BAZ1A: variants seen among roughly 807,000 people sequenced by gnomAD.
BAZ1A encodes the protein bromodomain adjacent to zinc finger domain protein 1A.
BAZ1A carries 50 observed loss-of-function variants against 185.2 expected under a neutral mutation model. That is an observed-to-expected ratio of 0.27 (90% CI 0.22 to 0.34). The LOEUF (loss-of-function observed/expected upper bound fraction) is 0.34. Ranked by LOEUF, BAZ1A falls within the 10% of genes least tolerant of loss-of-function variation. BAZ1A has a pLI of 1.00. For missense variants in BAZ1A, 1,356 were observed against 1,839.9 expected (o/e 0.74, Z 4.81); for synonymous variants, 571 against 615.6 (o/e 0.93, Z 1.07).
chr14:34,773,537 A>T (rs529444231), intron 20 of BAZ1A, 35 bp downstream of exon 20: 2 of 1,523,512 alleles, frequency 1.3e-6, no homozygotes, highest in African/African-American at 1.4e-5. Context: ...ATGGCAAGGA[A>T]AAGTAATGGT....
chr14:34,842,484 TTC>T (rs1349942139), intron 3 of BAZ1A, among the ~76,000 whole-genome samples: 1 of 152,202 alleles, frequency 6.6e-6, no homozygotes, highest in Non-Finnish European at 1.5e-5. Context: ...TGAAGCATTT[TTC>T]TCTTTGCTTC....
At chr14:34,812,593 T>A (rs957720635) in intron 4 of BAZ1A, among the ~76,000 whole-genome samples, 7 of 152,168 alleles carry the variant, frequency 4.6e-5, no homozygotes, top group African/African-American at 1.4e-4. Context: ...GATTGCAGCA[T>A]GGACTTAAAT....
intron 4 of BAZ1A, among the ~76,000 whole-genome samples, chr14:34,811,297 C>T (rs1490142873): frequency 1.3e-5 from 2 of 152,042 alleles, no homozygotes; most frequent in East Asian, 1.9e-4. Context: ...GCATGCACCA[C>T]CATGCCCAGT....
intron 15 of BAZ1A, 106 bp from the exon 16 acceptor site, chr14:34,783,338 TA>T (rs1880172229): frequency 1.2e-5 from 8 of 657,812 alleles, no homozygotes; most frequent in Non-Finnish European, 2.1e-5. Context: ...AACATTATTA[TA>T]AAACTATAAT....
intron 2 of BAZ1A, among the ~76,000 whole-genome samples, chr14:34,863,380 C>G (rs1050328882): frequency 2.0e-5 from 3 of 151,958 alleles, no homozygotes; most frequent in Non-Finnish European, 4.4e-5. Flanking sequence ...TCAGTCTGGT[C>G]TCAAACTCCT....
At chr14:34,772,041 GC>G (rs1161361386) in intron 20 of BAZ1A, among the ~76,000 whole-genome samples, 1 of 151,770 alleles carries the variant, frequency 6.6e-6, no homozygotes, top group African/African-American at 2.4e-5. Context: ...TGCAAGCTCT[GC>G]CTCCCGGGTT....
intron 3 of BAZ1A, 59 bp from the exon 4 acceptor site, chr14:34,826,215 G>T: frequency 6.5e-7 from 1 of 1,548,246 alleles, no homozygotes; most frequent in Non-Finnish European, 8.8e-7. Context: ...AGCCAAACAT[G>T]TCAGAGCAAT....
At chr14:34,819,448 A>AT (rs2042054354) in intron 4 of BAZ1A, among the ~76,000 whole-genome samples, 1 of 152,164 alleles carries the variant, frequency 6.6e-6, no homozygotes, top group African/African-American at 2.4e-5. Context: ...AGTTGGAATC[A>AT]TAAGTATGTA....
chr14:34,759,141 C>T lies in BAZ1A; in HGVS notation c.4244-295G>A, dbSNP rs1300983806. Reference sequence around the variant, plus strand: ...CAAAAGTTTTTGGATTATTTTTACTCAATTTTATTAAAAATACTTTACAGC... The same window carrying T: ...CAAAAGTTTTTGGATTATTTTTACTTAATTTTATTAAAAATACTTTACAGC... On this transcript the variant is annotated intron_variant, in intron 24 of 26. Coordinates refer to ENST00000360310, the MANE Select transcript of BAZ1A (RefSeq NM_013448.3). Among the ~76,000 whole-genome samples the T allele has an allele frequency of 3.0e-5, 4 of 132,676 alleles. No homozygotes were observed. In the East Asian group the frequency reaches 9.7e-4, roughly 32 times the overall value. 87.0% of individuals were successfully genotyped at this position (132,676 alleles called of 152,430 possible).
rs1881089767 is a variant in BAZ1A, at chr14:34,794,771, C to T, written c.1341G>A (p.Glu447=). 1 of 1,613,852 alleles carries T rather than the reference C, an allele frequency of 6.2e-7. No homozygotes were observed. Among genetic ancestry groups the T allele is most frequent in the South Asian group, 1.1e-5 (1 of 91,064 alleles). The change falls in exon 11 of 27, where the codon GAG becomes GAA. Residue 447 remains glutamate, a synonymous_variant. Coordinates refer to ENST00000360310, the MANE Select transcript of BAZ1A (RefSeq NM_013448.3). ...AFGELFDLQD[E]FPDGVTLEVL... is the part of the protein sequence containing the mutation. ...TGCCTAGGGTTACTCCATCAGGAAA[C>T]TCATCTTGAAGATCAAAAAGTTCCC...
chr14:34,819,287 T>C (rs907662102), intron 4 of BAZ1A, among the ~76,000 whole-genome samples: 4 of 152,116 alleles, frequency 2.6e-5, no homozygotes, highest in African/African-American at 9.7e-5. Context: ...ATATCCCCCA[T>C]GGATATGGGA....
At chr14:34,777,141 A>C (rs191584786) in intron 17 of BAZ1A, among the ~76,000 whole-genome samples, 14 of 152,326 alleles carry the variant, frequency 9.2e-5, no homozygotes, top group African/African-American at 3.4e-4. Flanking sequence ...CTTCTGGAGA[A>C]GACTAGCTTA....
At chr14:34,855,453 CA>C (rs2042661936) in intron 3 of BAZ1A, among the ~76,000 whole-genome samples, 1 of 152,214 alleles carries the variant, frequency 6.6e-6, no homozygotes, top group Admixed American at 6.5e-5. Flanking sequence ...ATTTCTGGTT[CA>C]GGGGGCTGCC....
intron 4 of BAZ1A, among the ~76,000 whole-genome samples, chr14:34,824,871 T>C (rs537301293): frequency 6.6e-6 from 1 of 152,304 alleles, no homozygotes; most frequent in African/African-American, 2.4e-5. Context: ...GAAAGCATTT[T>C]GAAGTCTGAG....
chr14:34,855,225 C>T (rs2042658220), intron 3 of BAZ1A, among the ~76,000 whole-genome samples: 2 of 152,164 alleles, frequency 1.3e-5, no homozygotes, highest in South Asian at 4.1e-4. Context: ...ATAACCTACT[C>T]TTGTAACAAG....
chr14:34,856,604 T>TC (rs2042682636), intron 3 of BAZ1A, among the ~76,000 whole-genome samples: 1 of 152,032 alleles, frequency 6.6e-6, no homozygotes, highest in South Asian at 2.1e-4. Flanking sequence ...ATACCTTTAG[T>TC]CGCAGCACTT....
intron 4 of BAZ1A, among the ~76,000 whole-genome samples, chr14:34,821,446 T>A (rs1310638798): frequency 6.6e-6 from 1 of 152,124 alleles, no homozygotes; most frequent in Non-Finnish European, 1.5e-5. Context: ...CATGAGAAAA[T>A]CCAGATTATG....
intron 21 of BAZ1A, among the ~76,000 whole-genome samples, chr14:34,767,380 T>C (rs1227967666): frequency 6.6e-6 from 1 of 152,028 alleles, no homozygotes; most frequent in East Asian, 1.9e-4. Flanking sequence ...TGAAACCCCA[T>C]CTCTACTAAA....
intron 3 of BAZ1A, among the ~76,000 whole-genome samples, chr14:34,832,215 C>CACACACACACACACATAT: frequency 1.1e-5 from 1 of 89,670 alleles, no homozygotes; most frequent in Non-Finnish European, 2.3e-5. Context: ...CACACACACA[C>CACACACACACACACATAT]ATATATATAT....
Sources: allele counts gnomAD v4.1 joint callset (sites outside exome capture counted in the v4.1 genomes callset), GRCh38; gene constraint gnomAD v4.1.1; transcripts MANE v1.5; gene names NCBI Gene and HGNC (gene_info 2026-07-23, HGNC 2026-07-21).